Variants in ENOX1 observed in about 807,000 individuals in gnomAD.
The protein encoded by ENOX1 is ecto-NOX disulfide-thiol exchanger 1.
In ENOX1, 42 loss-of-function variants were observed where a neutral mutation model predicts 82.5. The observed-to-expected ratio is 0.51, with a 90% CI of 0.40 to 0.66. The LOEUF (loss-of-function observed/expected upper bound fraction) is 0.66. Ranked by LOEUF, ENOX1 falls within the 30% of genes least tolerant of loss-of-function variation. ENOX1 has a pLI of 0.00. For missense variants in ENOX1, 608 were observed against 811.6 expected (o/e 0.75, Z 3.05); for synonymous variants, 271 against 282.2 (o/e 0.96, Z 0.40).
At chr13:43,690,459 C>T (rs911308504) in intron 1 of ENOX1, among the ~76,000 whole-genome samples, 6 of 152,092 alleles carry the variant, frequency 3.9e-5, no homozygotes, top group Non-Finnish European at 7.4e-5. Context: ...ACCCATATTT[C>T]CTTACTTAAT....
chr13:43,783,135 A>C (rs1419208961), intron 1 of ENOX1, among the ~76,000 whole-genome samples: 1 of 152,222 alleles, frequency 6.6e-6, no homozygotes, highest in Non-Finnish European at 1.5e-5. Context: ...TTCACACAGA[A>C]TAAGAGATTA....
At chr13:43,700,268 G>T (rs1013655244) in intron 1 of ENOX1, among the ~76,000 whole-genome samples, 1 of 152,126 alleles carries the variant, frequency 6.6e-6, no homozygotes, top group Non-Finnish European at 1.5e-5. Context: ...GCTTCAAGAA[G>T]AGATAAATGG....
intron 15 of ENOX1, among the ~76,000 whole-genome samples, chr13:43,226,135 C>T (rs996776813): frequency 1.3e-5 from 2 of 152,010 alleles, no homozygotes; most frequent in African/African-American, 4.8e-5. Context: ...CTGAAATTCT[C>T]AATTCTGGTG....
intron 1 of ENOX1, among the ~76,000 whole-genome samples, chr13:43,719,768 G>A (rs577064295): frequency 6.6e-6 from 1 of 152,190 alleles, no homozygotes; most frequent in East Asian, 1.9e-4. Context: ...TGGCTATGGA[G>A]CTTTTTGCCT....
intron 1 of ENOX1, among the ~76,000 whole-genome samples, chr13:43,689,077 G>A (rs2086219853): frequency 6.6e-6 from 1 of 152,146 alleles, no homozygotes; most frequent in African/African-American, 2.4e-5. Context: ...CAGCCAAAAG[G>A]AGGAAAGTTC....
At chr13:43,338,831 G>A (rs941387623) in intron 9 of ENOX1, among the ~76,000 whole-genome samples, 9 of 151,528 alleles carry the variant, frequency 5.9e-5, no homozygotes, top group African/African-American at 1.7e-4. Context: ...GACTACAGGC[G>A]CCCGCCACTG....
chr13:43,344,790 T>C, intron 8 of ENOX1, 40 bp from the exon 9 acceptor site: 2 of 1,580,794 alleles, frequency 1.3e-6, no homozygotes, highest in Non-Finnish European at 1.7e-6. Flanking sequence ...CATGCCAAGA[T>C]GAGAAAATAC....
intron 7 of ENOX1, among the ~76,000 whole-genome samples, chr13:43,359,300 T>C (rs761829419): frequency 6.6e-5 from 10 of 152,176 alleles, no homozygotes; most frequent in Non-Finnish European, 1.2e-4. Flanking sequence ...TACCCACAGA[T>C]GGGAAGGCAG....
At chr13:43,643,633 G>GTA (rs201615502) in intron 2 of ENOX1, among the ~76,000 whole-genome samples, 22,128 of 148,660 alleles carry the variant, frequency 0.15, 1,929 homozygotes, top group East Asian at 0.38. Context: ...ATGTGTGTGT[G>GTA]TATATATATA....
intron 5 of ENOX1, among the ~76,000 whole-genome samples, chr13:43,411,269 G>C (rs960784522): frequency 2.6e-5 from 4 of 152,108 alleles, no homozygotes; most frequent in African/African-American, 9.7e-5. Flanking sequence ...ATTTCTCAAA[G>C]CACTTTTTAC....
At chr13:43,552,683 G>C (rs1353827728) in intron 2 of ENOX1, among the ~76,000 whole-genome samples, 1 of 152,100 alleles carries the variant, frequency 6.6e-6, no homozygotes, top group Non-Finnish European at 1.5e-5. Flanking sequence ...GACATGAATG[G>C]TTTTGCCTGG....
At chr13:43,592,888 T>C (rs1329943268) in intron 2 of ENOX1, among the ~76,000 whole-genome samples, 1 of 152,216 alleles carries the variant, frequency 6.6e-6, no homozygotes, top group Admixed American at 6.5e-5. Flanking sequence ...CAAGGAGATA[T>C]TGCCTTATAA....
intron 1 of ENOX1, among the ~76,000 whole-genome samples, chr13:43,715,845 G>A (rs995371198): frequency 1.3e-5 from 2 of 152,114 alleles, no homozygotes; most frequent in Admixed American, 6.5e-5. Context: ...TCTCTGCATT[G>A]GTTTTTCTAG....
At chr13:43,329,622 T>G (rs1327509487) in intron 9 of ENOX1, among the ~76,000 whole-genome samples, 1 of 152,198 alleles carries the variant, frequency 6.6e-6, no homozygotes, top group Non-Finnish European at 1.5e-5. Context: ...CTCCATTTCT[T>G]GTATTCTTTT....
chr13:43,659,175 C>T (rs1216135339), intron 2 of ENOX1, among the ~76,000 whole-genome samples: 4 of 151,942 alleles, frequency 2.6e-5, no homozygotes, highest in Non-Finnish European at 5.9e-5. Context: ...TCTGGAGATA[C>T]TGATGATTTC....
intron 2 of ENOX1, among the ~76,000 whole-genome samples, chr13:43,488,325 G>A (rs937140896): frequency 2.6e-5 from 4 of 152,118 alleles, no homozygotes; most frequent in African/African-American, 9.7e-5. Context: ...CTTCCACCAC[G>A]TGCAAACACA....
intron 3 of ENOX1, among the ~76,000 whole-genome samples, chr13:43,446,037 T>C (rs1376885329): frequency 6.6e-6 from 1 of 152,128 alleles, no homozygotes; most frequent in Non-Finnish European, 1.5e-5. Context: ...CAGTAGTCTG[T>C]CTCCCTTCTT....
At chr13:43,547,173 G>A (rs915964956) in intron 2 of ENOX1, 3 of 152,190 alleles carry the variant, frequency 2.0e-5, no homozygotes, top group Non-Finnish European at 4.4e-5. Flanking sequence ...TTCCACCCCA[G>A]GTTCACAGAC....
At chr13:43,626,270 A>G (rs1156456495) in intron 2 of ENOX1, among the ~76,000 whole-genome samples, 1 of 151,872 alleles carries the variant, frequency 6.6e-6, no homozygotes, top group Non-Finnish European at 1.5e-5. Context: ...CTTTCAAATA[A>G]AGAGCACTTT....
Sources: gnomAD v4.1 joint callset for allele counts (sites outside exome capture counted in the v4.1 genomes callset) on GRCh38, gnomAD v4.1.1 for gene constraint, MANE v1.5 for transcripts, NCBI Gene and HGNC (gene_info 2026-07-23, HGNC 2026-07-21) for gene names.